PPIG: variants seen among roughly 807,000 people sequenced by gnomAD.
PPIG encodes peptidyl-prolyl cis-trans isomerase G.
A neutral mutation model predicts 87.9 loss-of-function variants in PPIG; 26 were observed. The ratio of observed to expected loss-of-function variants is 0.30; its 90% CI spans 0.22 to 0.41. PPIG has a LOEUF of 0.41. Ranked by LOEUF, PPIG falls within the 10% of genes least tolerant of loss-of-function variation. The probability of loss-of-function intolerance (pLI) is 1.00; values close to 1 mark genes in which losing one functional copy is unlikely to be tolerated. For synonymous variants in PPIG, 308 were observed against 276.5 expected (o/e 1.11, Z -1.13); for missense variants, 722 against 879.4 (o/e 0.82, Z 2.26).
intron 4 of PPIG, among the ~76,000 whole-genome samples, chr2:169,605,639 G>A (rs4991629): frequency 0.55 from 83,233 of 150,592 alleles, 23,197 homozygotes; most frequent in Admixed American, 0.66. Context: ...CAGTCTCTAC[G>A]AAAAAAAAAA....
rs368074352 is a variant in PPIG, at chr2:169,636,728, A to G, written c.1470A>G (p.Lys490=). Residue 490 remains lysine, a synonymous_variant, in exon 14 of 14, where the codon AAA becomes AAG. Coordinates refer to ENST00000260970, the MANE Select transcript of PPIG (RefSeq NM_004792.3). ...AAAAGAGGATGAGGTCAAGGAGTAA[A>G]GGAAGGGATCATGAAAATGTTAAAG... ...NEEKRMRSRS[K]GRDHENVKEK... is the part of the protein sequence containing the mutation. 6.5e-5 allele frequency: 104 copies of G among 1,612,164 alleles called. No homozygotes were observed. Among genetic ancestry groups the G allele is most frequent in the Non-Finnish European group, 8.6e-5 (101 of 1,179,632 alleles).
intron 7 of PPIG, among the ~76,000 whole-genome samples, chr2:169,610,771 A>C (rs984053531): frequency 6.6e-6 from 1 of 152,214 alleles, no homozygotes; most frequent in African/African-American, 2.4e-5. Context: ...ACTTAACAGT[A>C]TATCCTTAAA....
rs1432789410 is a variant in PPIG at position 169,637,246 on chromosome 2, G to A, written c.1988G>A (p.Arg663Lys). ...AAAGAAAATTCTGAGAGTGAGAAAA[G>A]AATGTACTCTAAAAGTCGTGATCAT... ...HRKENSESEK[R>K]MYSKSRDHNS... Residue 663 changes from arginine to lysine, a missense_variant, in exon 14 of 14, where the codon AGA (arginine) becomes AAA (lysine). Arg to Lys is a conservative substitution (Grantham distance 26). Around this residue, in one of 4 missense-constraint regions of PPIG, gnomAD observed 476 missense variants for 483.1 expected, o/e 0.99. Coordinates refer to ENST00000260970, the MANE Select transcript of PPIG (RefSeq NM_004792.3). 6.2e-7 allele frequency: 1 copy of A among 1,613,144 alleles called. No homozygotes were observed. Among genetic ancestry groups the A allele is most frequent in the African/African-American group, 1.3e-5 (1 of 74,796 alleles).
intron 9 of PPIG, among the ~76,000 whole-genome samples, chr2:169,628,031 G>T (rs1685939579): frequency 1.3e-5 from 2 of 151,992 alleles, no homozygotes; most frequent in Non-Finnish European, 2.9e-5. Context: ...TATATAAGTA[G>T]ATTTTTCAGG....
chr2:169,622,276 A>G (rs1355461189), intron 9 of PPIG, among the ~76,000 whole-genome samples: 2 of 152,198 alleles, frequency 1.3e-5, no homozygotes, highest in East Asian at 3.9e-4. Context: ...AAAAAAAAGA[A>G]GTTTGCATTT....
Position 169,637,250 on chromosome 2 carries a change from G to A in PPIG, c.1992G>A (p.Met664Ile). 1.2e-6 allele frequency: 2 copies of A among 1,613,306 alleles called. No homozygotes were observed. Among genetic ancestry groups the A allele is most frequent in the Non-Finnish European group, 1.7e-6 (2 of 1,179,902 alleles). ...RKENSESEKR[M>I]YSKSRDHNSS... The stretch of plus-strand genomic sequence containing the variant: ...AAAATTCTGAGAGTGAGAAAAGAAT[G>A]TACTCTAAAAGTCGTGATCATAATA... The change falls in exon 14 of 14, where the codon ATG (methionine) becomes ATA (isoleucine). Residue 664 changes from methionine (M) to isoleucine (I), a missense_variant. Met to Ile is a conservative substitution (Grantham distance 10, BLOSUM62 1). Coordinates refer to ENST00000260970, the MANE Select transcript of PPIG (RefSeq NM_004792.3).
At position 169,637,141 on chromosome 2, in the gene PPIG, C is replaced by CA; in HGVS notation, c.1884dup (p.Arg629ThrfsTer22). On this transcript the variant is annotated frameshift_variant, in exon 14 of 14. Transcript: ENST00000260970. LOFTEE classifies it high-confidence loss of function. ...GATAGGAGGAGAAGGAGGAGAGACT[C>CA]ACGGAGCTCAGAGAGAGAAGAAAGT... is the stretch of plus-strand genomic sequence containing the variant. 2 of 1,612,282 alleles carry CA rather than the reference C, an allele frequency of 1.2e-6. No individual in the cohort carries two copies. Among genetic ancestry groups the CA allele is most frequent in the Non-Finnish European group, 1.7e-6 (2 of 1,179,342 alleles).
At chr2:169,636,317 T>C (rs1686179414) in intron 13 of PPIG, 89 bp downstream of exon 13, 2 of 1,477,702 alleles carry the variant, frequency 1.4e-6, no homozygotes, top group Non-Finnish European at 1.8e-6. Flanking sequence ...TAGTTATTGC[T>C]GAATACCTTA....
chr2:169,636,490 A>G lies in PPIG; in HGVS notation c.1232A>G (p.Asn411Ser). The G allele has an allele frequency of 1.9e-6, 3 of 1,600,030 alleles. No homozygotes were observed. Among genetic ancestry groups the G allele is most frequent in the Non-Finnish European group, 2.6e-6 (3 of 1,175,586 alleles). Reference sequence around the variant, plus strand: ...GAGAGAAAAATAACAGATCACAGGAATGTATCTGAGAGTCCAAACAGAAAA... The same window carrying G: ...GAGAGAAAAATAACAGATCACAGGAGTGTATCTGAGAGTCCAAACAGAAAA... Reference protein sequence around the residue: ...VKERKITDHRNVSESPNRKNE... With the variant: ...VKERKITDHRSVSESPNRKNE... Residue 411 changes from asparagine (N) to serine (S), a missense_variant, in exon 14 of 14, where the codon AAT (asparagine) becomes AGT (serine). By Grantham distance (46) the Asn-to-Ser change is conservative (BLOSUM62 1). Transcript: ENST00000260970.
intron 10 of PPIG, among the ~76,000 whole-genome samples, chr2:169,631,255 A>G (rs1477006539): frequency 1.3e-5 from 2 of 152,162 alleles, no homozygotes; most frequent in Non-Finnish European, 2.9e-5. Flanking sequence ...TAGGAGGATT[A>G]TGGGATTTAT....
chr2:169,586,505 G>A (rs1684708756), intron 1 of PPIG, among the ~76,000 whole-genome samples: 1 of 152,124 alleles, frequency 6.6e-6, no homozygotes, highest in Non-Finnish European at 1.5e-5. Context: ...GTTCCTTTAT[G>A]GGTGAAGAGT....
chr2:169,604,046 G>C lies in PPIG; in HGVS notation c.5G>C (p.Gly2Ala), dbSNP rs761957238. Reference protein sequence around the residue: MGIKVQRPRCFF... With the variant: MAIKVQRPRCFF... Reference sequence around the variant, plus strand: ...CACAGATTAAGTATTGGAGCCATGGGAATAAAGGTTCAACGTCCTCGATGT... The same window carrying C: ...CACAGATTAAGTATTGGAGCCATGGCAATAAAGGTTCAACGTCCTCGATGT... Residue 2 changes from glycine to alanine, a missense_variant, in exon 3 of 14, where the codon GGA becomes GCA. Around this residue, in one of 4 missense-constraint regions of PPIG, gnomAD observed 99 missense variants for 215.8 expected, o/e 0.46. Transcript: ENST00000260970. The C allele has an allele frequency of 3.1e-6, 5 of 1,613,472 alleles. No homozygotes were observed. The highest frequency in any genetic ancestry group is 4.2e-6 in the Non-Finnish European group (5 of 1,179,584).
chr2:169,633,062 C>T, intron 11 of PPIG, 98 bp from the exon 12 acceptor site: 1 of 886,702 alleles, frequency 1.1e-6, no homozygotes, highest in African/African-American at 1.7e-5. Context: ...AGGCATGAGC[C>T]ACCGCACCCG....
chr2:169,623,678 T>G (rs955995356), intron 9 of PPIG, among the ~76,000 whole-genome samples: 1 of 152,206 alleles, frequency 6.6e-6, no homozygotes, highest in Non-Finnish European at 1.5e-5. Flanking sequence ...TTCAGTGTCC[T>G]TATTCTGAAA....
intron 9 of PPIG, among the ~76,000 whole-genome samples, chr2:169,619,058 C>T (rs1685675972): frequency 1.3e-5 from 2 of 152,100 alleles, no homozygotes; most frequent in Non-Finnish European, 2.9e-5. Flanking sequence ...AGCTGTGTCC[C>T]AGAGATTCTG....
intron 9 of PPIG, among the ~76,000 whole-genome samples, chr2:169,624,915 C>T (rs1460058717): frequency 1.3e-5 from 2 of 152,068 alleles, no homozygotes; most frequent in Non-Finnish European, 2.9e-5. Context: ...GAAGAGTCAG[C>T]TGAAAACAAC....
At chr2:169,625,502 T>C (rs747468620) in intron 9 of PPIG, among the ~76,000 whole-genome samples, 3 of 152,174 alleles carry the variant, frequency 2.0e-5, no homozygotes, top group Non-Finnish European at 2.9e-5. Context: ...CTCTTTCACC[T>C]TTGCCAGCCT....
chr2:169,603,852 C>T (rs1300818898), intron 2 of PPIG, among the ~76,000 whole-genome samples, 158 bp downstream of exon 2: 1 of 152,144 alleles, frequency 6.6e-6, no homozygotes, highest in Non-Finnish European at 1.5e-5. Context: ...AAAATGCAAT[C>T]TAATCTCTAA....
At chr2:169,635,992 C>A in intron 12 of PPIG, 100 bp from the exon 13 acceptor site, 1 of 715,460 alleles carries the variant, frequency 1.4e-6, no homozygotes, top group Non-Finnish European at 2.1e-6. Flanking sequence ...CCCCTTACTA[C>A]CTCCTGACCC....
Sources: allele counts gnomAD v4.1 joint callset (sites outside exome capture counted in the v4.1 genomes callset), GRCh38; gene constraint gnomAD v4.1.1; regional missense constraint gnomAD v4.1.1; transcripts MANE v1.5; gene names NCBI Gene and HGNC (gene_info 2026-07-23, HGNC 2026-07-21).